The following TRHDE variants were observed in gnomAD, a reference collection of about 807,000 sequenced individuals.
TRHDE encodes thyrotropin releasing hormone degrading enzyme, also known as thyrotropin-releasing hormone-degrading ectoenzyme.
A neutral mutation model predicts 125.7 loss-of-function variants in TRHDE; 72 were observed. The observed-to-expected ratio is 0.57, with a 90% CI of 0.47 to 0.70. TRHDE has a LOEUF of 0.70. TRHDE is among the 30% of genes least tolerant of loss of function. The pLI, the probability that TRHDE is intolerant of heterozygous loss-of-function variation, is 0.00. For synonymous variants in TRHDE, 509 were observed against 509.1 expected (o/e 1.00, Z 0.00); for missense variants, 1,110 against 1,327.1 (o/e 0.84, Z 2.54).
At chr12:72,391,942 A>G (rs917661270) in intron 3 of TRHDE, among the ~76,000 whole-genome samples, 2 of 152,128 alleles carry the variant, frequency 1.3e-5, no homozygotes, top group Non-Finnish European at 2.9e-5. Flanking sequence ...ACTGAGTGGT[A>G]ATTAGGAGGC....
At chr12:72,527,718 A>T (rs1350535350) in intron 6 of TRHDE, among the ~76,000 whole-genome samples, 1 of 152,128 alleles carries the variant, frequency 6.6e-6, no homozygotes, top group Non-Finnish European at 1.5e-5. Flanking sequence ...TGTTAAAAAT[A>T]TGAAAGGACT....
chr12:72,501,586 A>C (rs983948332), intron 6 of TRHDE, among the ~76,000 whole-genome samples: 49 of 152,054 alleles, frequency 3.2e-4, no homozygotes, highest in Admixed American at 5.2e-4. Context: ...TGTTGGATTC[A>C]ATTTGCTAAA....
chr12:72,451,273 C>A (rs1303238993), intron 3 of TRHDE, among the ~76,000 whole-genome samples: 2 of 152,092 alleles, frequency 1.3e-5, no homozygotes, highest in Admixed American at 6.6e-5. Context: ...ATGTTTATAT[C>A]TTTAACCCAT....
intron 7 of TRHDE, among the ~76,000 whole-genome samples, chr12:72,543,111 A>G (rs990753796): frequency 6.6e-6 from 1 of 151,388 alleles, no homozygotes; most frequent in Non-Finnish European, 1.5e-5. Context: ...CTGAAACACA[A>G]TTATGCTAAG....
chr12:72,169,139 C>CTT (rs79350221), intron 2 of TRHDE, among the ~76,000 whole-genome samples: 1 of 140,536 alleles, frequency 7.1e-6, no homozygotes, highest in African/African-American at 2.6e-5. Context: ...ATGAAACAGA[C>CTT]TTTTTTTTTT....
At chr12:72,181,322 C>A (rs1877092592) in intron 2 of TRHDE, among the ~76,000 whole-genome samples, 1 of 152,106 alleles carries the variant, frequency 6.6e-6, no homozygotes, top group South Asian at 2.1e-4. Context: ...GACCTCCGGG[C>A]TTAATGCTTC....
intron 1 of TRHDE, among the ~76,000 whole-genome samples, chr12:72,092,556 A>G (rs948956279): frequency 6.6e-6 from 1 of 152,232 alleles, no homozygotes; most frequent in Non-Finnish European, 1.5e-5. Flanking sequence ...AAAAGCGACT[A>G]TAGCATCCTT....
At chr12:72,342,995 C>T (rs1229565341) in intron 2 of TRHDE, among the ~76,000 whole-genome samples, 2 of 152,120 alleles carry the variant, frequency 1.3e-5, no homozygotes, top group South Asian at 2.1e-4. Flanking sequence ...CTACCTCCAT[C>T]GTGTAACTAA....
At chr12:72,387,752 A>G (rs1436121514) in intron 3 of TRHDE, among the ~76,000 whole-genome samples, 1 of 152,068 alleles carries the variant, frequency 6.6e-6, no homozygotes, top group South Asian at 2.1e-4. Flanking sequence ...CTGGTAGTGA[A>G]TAAGTCTCAC....
intron 6 of TRHDE, among the ~76,000 whole-genome samples, chr12:72,532,750 TTC>T (rs1565780776): frequency 6.7e-6 from 1 of 150,342 alleles, no homozygotes; most frequent in Non-Finnish European, 1.5e-5. Context: ...CTTAAATATT[TTC>T]TCTCTCTTCA....
intron 3 of TRHDE, among the ~76,000 whole-genome samples, chr12:72,385,660 A>G (rs1317426429): frequency 6.6e-6 from 1 of 152,138 alleles, no homozygotes; most frequent in Non-Finnish European, 1.5e-5. Context: ...TTTTAACACA[A>G]TTTAACAAGG....
intron 2 of TRHDE, among the ~76,000 whole-genome samples, chr12:72,335,131 T>C (rs984982867): frequency 1.3e-5 from 2 of 152,144 alleles, no homozygotes; most frequent in East Asian, 1.9e-4. Context: ...GCTTCTGACA[T>C]GAGAGAGTTA....
intron 1 of TRHDE, chr12:72,275,002 G>A (rs1879429432): frequency 6.6e-6 from 1 of 152,218 alleles, no homozygotes. Flanking sequence ...ACCAAAGTGA[G>A]CTTAAAAATT....
chr12:72,166,955 T>C (rs1261875320), intron 2 of TRHDE, among the ~76,000 whole-genome samples: 1 of 150,098 alleles, frequency 6.7e-6, no homozygotes, highest in Non-Finnish European at 1.5e-5. Context: ...TGTGTGTGTC[T>C]CAATCATGGG....
At chr12:72,618,790 T>G in intron 12 of TRHDE, 101 bp from the exon 13 acceptor site, 1 of 959,404 alleles carries the variant, frequency 1.0e-6, no homozygotes, top group Non-Finnish European at 1.5e-6. Context: ...GAATATGCTT[T>G]CTTTATACTA....
At chr12:72,213,074 T>C (rs1354515551) in intron 2 of TRHDE, among the ~76,000 whole-genome samples, 2 of 151,860 alleles carry the variant, frequency 1.3e-5, no homozygotes, top group African/African-American at 2.4e-5. Context: ...TGAAAGAAGA[T>C]AGTCACAAAA....
At chr12:72,445,074 A>G (rs901218980) in intron 3 of TRHDE, among the ~76,000 whole-genome samples, 10 of 151,944 alleles carry the variant, frequency 6.6e-5, no homozygotes, top group Non-Finnish European at 1.0e-4. Context: ...ACGTCTTAAC[A>G]AGTGATTATT....
At chr12:72,458,466 C>G (rs1283841902) in intron 3 of TRHDE, among the ~76,000 whole-genome samples, 2 of 152,102 alleles carry the variant, frequency 1.3e-5, no homozygotes, top group Non-Finnish European at 2.9e-5. Flanking sequence ...TCTTAAATCT[C>G]AGTGCTCCTC....
At chr12:72,603,679 T>G (rs184547042) in intron 12 of TRHDE, among the ~76,000 whole-genome samples, 198 of 151,964 alleles carry the variant, frequency 1.3e-3, no homozygotes, top group Non-Finnish European at 2.3e-3. Flanking sequence ...GAGCCGAGAT[T>G]GCGCCACTGC....
Sources: allele counts gnomAD v4.1 joint callset (sites outside exome capture counted in the v4.1 genomes callset), GRCh38; gene constraint gnomAD v4.1.1; transcripts MANE v1.5; gene names NCBI Gene and HGNC (gene_info 2026-07-23, HGNC 2026-07-21).